The following GRM8 variants were observed in gnomAD, a reference collection of about 807,000 sequenced individuals.
The protein encoded by GRM8 is metabotropic glutamate receptor 8.
A neutral mutation model predicts 87.2 loss-of-function variants in GRM8; 47 were observed. That is an observed-to-expected ratio of 0.54 (90% confidence interval 0.43 to 0.69). The LOEUF is 0.69. GRM8 is among the 30% of genes least tolerant of loss of function. The probability of loss-of-function intolerance (pLI) is 0.00; values close to 1 mark genes in which losing one functional copy is unlikely to be tolerated. For missense variants in GRM8, 1,019 were observed against 1,139.2 expected, an observed-to-expected ratio of 0.89 and a Z score of 1.52; for synonymous variants, 396 against 404.5, an observed-to-expected ratio of 0.98 and a Z score of 0.25.
intron 6 of GRM8, among the ~76,000 whole-genome samples, chr7:126,775,404 CTT>C (rs1387246623): frequency 6.8e-6 from 1 of 146,072 alleles, no homozygotes; most frequent in African/African-American, 2.6e-5. Flanking sequence ...AGTGCAGTGA[CTT>C]TTAAATCCAT....
At chr7:126,785,646 C>T (rs1321079726) in intron 6 of GRM8, among the ~76,000 whole-genome samples, 2 of 152,016 alleles carry the variant, frequency 1.3e-5, no homozygotes, top group Non-Finnish European at 2.9e-5. Context: ...CTTTTTCATC[C>T]TGTTCTCCAT....
intron 3 of GRM8, among the ~76,000 whole-genome samples, chr7:126,910,981 G>A (rs1281848492): frequency 6.6e-6 from 1 of 152,030 alleles, no homozygotes; most frequent in Admixed American, 6.6e-5. Context: ...TATCTCTCAG[G>A]TATACTGTGA....
chr7:126,658,794 C>T (rs563078940), intron 7 of GRM8, among the ~76,000 whole-genome samples: 4 of 152,036 alleles, frequency 2.6e-5, no homozygotes, highest in South Asian at 4.2e-4. Flanking sequence ...CGTCTTCTGC[C>T]GGGCCCGCCC....
At chr7:127,023,525 TA>T (rs1563423376) in intron 3 of GRM8, among the ~76,000 whole-genome samples, 1 of 152,124 alleles carries the variant, frequency 6.6e-6, no homozygotes, top group African/African-American at 2.4e-5. Flanking sequence ...CAGTGGTATT[TA>T]AGGAGAAAAT....
intron 2 of GRM8, among the ~76,000 whole-genome samples, chr7:127,174,921 TG>T (rs1053216545): frequency 2.6e-5 from 4 of 152,318 alleles, no homozygotes; most frequent in African/African-American, 9.6e-5. Flanking sequence ...TAGTCACTTA[TG>T]GGAACAGCTT....
chr7:126,969,126 G>T (rs912531557), intron 3 of GRM8, among the ~76,000 whole-genome samples: 1 of 152,174 alleles, frequency 6.6e-6, no homozygotes, highest in African/African-American at 2.4e-5. Context: ...TGAACCTTCA[G>T]AAAAGCATAA....
At chr7:127,220,654 T>A (rs1230857552) in intron 2 of GRM8, among the ~76,000 whole-genome samples, 1 of 151,170 alleles carries the variant, frequency 6.6e-6, no homozygotes, top group South Asian at 2.1e-4. Context: ...CCAGCTAATT[T>A]TAAAAAAAAA....
chr7:127,131,482 T>C (rs919072088), intron 2 of GRM8, among the ~76,000 whole-genome samples: 2 of 152,344 alleles, frequency 1.3e-5, no homozygotes, highest in Middle Eastern at 3.4e-3. Flanking sequence ...GAAAAGTTTA[T>C]TCCCATTCTA....
At chr7:126,819,133 C>T (rs1217367344) in intron 6 of GRM8, among the ~76,000 whole-genome samples, 2 of 152,076 alleles carry the variant, frequency 1.3e-5, no homozygotes, top group Non-Finnish European at 2.9e-5. Context: ...ATCTGTCTTC[C>T]CAGAGAACAA....
intron 8 of GRM8, among the ~76,000 whole-genome samples, chr7:126,539,672 T>C: frequency 6.6e-6 from 1 of 152,022 alleles, no homozygotes; most frequent in East Asian, 1.9e-4. Flanking sequence ...TTCACGTTAT[T>C]TTTGACAAGA....
intron 3 of GRM8, among the ~76,000 whole-genome samples, chr7:126,929,381 A>G (rs976797117): frequency 2.0e-5 from 3 of 152,228 alleles, no homozygotes; most frequent in Middle Eastern, 3.2e-3. Flanking sequence ...TGAGCATATG[A>G]AATGCAGCTA....
chr7:127,100,351 T>A (rs1188530173), intron 3 of GRM8, among the ~76,000 whole-genome samples: 2 of 152,160 alleles, frequency 1.3e-5, no homozygotes, highest in Non-Finnish European at 2.9e-5. Context: ...GATCTCCTTT[T>A]ATCATCTCCC....
intron 7 of GRM8, among the ~76,000 whole-genome samples, chr7:126,661,442 C>T (rs895959831): frequency 7.2e-5 from 11 of 152,084 alleles, no homozygotes; most frequent in African/African-American, 2.7e-4. Flanking sequence ...CCTTGTAAAA[C>T]ATTTAAAGGC....
intron 7 of GRM8, among the ~76,000 whole-genome samples, chr7:126,701,250 C>A (rs1809895869): frequency 1.3e-5 from 2 of 152,116 alleles, no homozygotes; most frequent in Admixed American, 1.3e-4. Flanking sequence ...CCTTGTATTG[C>A]AAACACATGC....
At chr7:126,763,228 G>A (rs1180308269) in intron 7 of GRM8, among the ~76,000 whole-genome samples, 4 of 151,000 alleles carry the variant, frequency 2.6e-5, no homozygotes, top group Non-Finnish European at 5.9e-5. Context: ...TTCTTTTACT[G>A]ATTTTAAACT....
intron 2 of GRM8, among the ~76,000 whole-genome samples, chr7:127,205,986 C>T (rs1795888116): frequency 6.6e-6 from 1 of 152,192 alleles, no homozygotes; most frequent in Non-Finnish European, 1.5e-5. Context: ...CTCAAAGAGC[C>T]ACAGTCCACC....
chr7:126,605,460 A>G (rs1345871614), intron 8 of GRM8, among the ~76,000 whole-genome samples: 2 of 152,242 alleles, frequency 1.3e-5, no homozygotes, highest in Admixed American at 1.3e-4. Context: ...GCTTTTGAGG[A>G]AATGAAATAC....
chr7:127,130,765 T>C (rs1434567736), intron 2 of GRM8, among the ~76,000 whole-genome samples: 1 of 152,108 alleles, frequency 6.6e-6, no homozygotes, highest in Non-Finnish European at 1.5e-5. Context: ...TGGAAGGTGA[T>C]GGGATCATGG....
At chr7:127,095,219 AGGGG>A (rs1327901462) in intron 3 of GRM8, among the ~76,000 whole-genome samples, 2 of 152,214 alleles carry the variant, frequency 1.3e-5, no homozygotes, top group Non-Finnish European at 1.5e-5. Context: ...AGTGACAGAG[AGGGG>A]CTCAGGGTTC....
Sources: gnomAD v4.1 joint callset for allele counts (sites outside exome capture counted in the v4.1 genomes callset) on GRCh38, gnomAD v4.1.1 for gene constraint, MANE v1.5 for transcripts, NCBI Gene and HGNC (gene_info 2026-07-23, HGNC 2026-07-21) for gene names.